LPA: variants seen among roughly 807,000 people sequenced by gnomAD.
LPA encodes lipoprotein(a), also known as apolipoprotein(a).
In LPA, 199 loss-of-function variants were observed where a neutral mutation model predicts 197.9. That is an observed-to-expected ratio of 1.01 (90% CI 0.90 to 1.13). The LOEUF (loss-of-function observed/expected upper bound fraction) is 1.13, where lower values mean the gene tolerates loss of function less well. Ranked by LOEUF, LPA falls within the 50% of genes most tolerant of loss-of-function variation. LPA has a pLI of 0.00. For synonymous variants in LPA, 715 were observed against 639.5 expected, an observed-to-expected ratio of 1.12 and a Z score of -1.78; for missense variants, 1,853 against 1,785.8, an observed-to-expected ratio of 1.04 and a Z score of -0.68.
chr6:160,631,734 G>T (rs1779688096), intron 8 of LPA, among the ~76,000 whole-genome samples: 1 of 150,382 alleles, frequency 6.6e-6, no homozygotes, highest in South Asian at 2.1e-4. Flanking sequence ...TGAGTTTCAC[G>T]ATTCTGTGAT....
chr6:160,539,793 A>G (rs1777951259), intron 36 of LPA, among the ~76,000 whole-genome samples: 1 of 152,092 alleles, frequency 6.6e-6, no homozygotes, highest in Admixed American at 6.5e-5. Context: ...GTGAACATTA[A>G]GTAAGTTTTA....
At position 160,577,158 on chromosome 6, in the gene LPA, T is replaced by C. The variant is rs754417184; in HGVS notation, c.4609A>G (p.Thr1537Ala). The C allele has an allele frequency of 3.1e-6, 5 of 1,613,674 alleles. No individual in the cohort carries two copies. Among genetic ancestry groups the C allele is most frequent in the Non-Finnish European group, 4.2e-6 (5 of 1,179,810 alleles). The part of the protein sequence containing the change: ...SSMIPHWHQR[T>A]PENYPNAGLT... ...TACGCATTTGGGTAGTTTTCTGGGG[T>C]CCTCTGATGCCAGTGTGGTATCATA... The change falls in exon 28 of 39, where the codon ACC becomes GCC. Residue 1537 changes from threonine to alanine, a missense_variant. Thr to Ala is a moderately conservative substitution (Grantham distance 58). Coordinates refer to ENST00000316300, the MANE Select transcript of LPA (RefSeq NM_005577.4).
chr6:160,562,458 G>T (rs1778378917), intron 28 of LPA, among the ~76,000 whole-genome samples: 1 of 152,190 alleles, frequency 6.6e-6, no homozygotes, highest in African/African-American at 2.4e-5. Flanking sequence ...TGTGCTGCTG[G>T]ATTCAGTTTG....
In LPA at chr6:160,553,965, G is replaced by A. The variant is rs576991090; in HGVS notation, c.4973+2060C>T. On this transcript the variant is annotated intron_variant, in intron 30 of 38. Coordinates refer to ENST00000316300, the MANE Select transcript of LPA (RefSeq NM_005577.4). ...TGTGTGTGTGTGTGTGCGCGCGCGC[G>A]CGTGTGCGTGTGTGTGTGTCTTACA... Among the ~76,000 whole-genome samples the A allele has an allele frequency of 9.7e-3, 1,464 of 150,166 alleles. 21 individuals carry two copies. The highest frequency in any genetic ancestry group is 0.034 in the African/African-American group (1,380 of 40,820).
At chr6:160,584,573 C>T (rs1386218995) in intron 26 of LPA, among the ~76,000 whole-genome samples, 2 of 152,070 alleles carry the variant, frequency 1.3e-5, no homozygotes, top group Non-Finnish European at 2.9e-5. Flanking sequence ...CTCTGGTGAT[C>T]TGCCCGTCTT....
intron 30 of LPA, among the ~76,000 whole-genome samples, chr6:160,555,454 T>C (rs1049034867): frequency 7.0e-6 from 1 of 143,182 alleles, no homozygotes; most frequent in Non-Finnish European, 1.5e-5. Context: ...TATATATATA[T>C]ATGTGTGTGT....
intron 16 of LPA, among the ~76,000 whole-genome samples, chr6:160,610,776 G>A (rs889398974): frequency 2.0e-5 from 3 of 152,102 alleles, no homozygotes; most frequent in Admixed American, 2.0e-4. Context: ...GCTATTCAGT[G>A]CAGGAAGGGT....
chr6:160,591,146 T>C (rs777220375), intron 22 of LPA, 45 bp from the exon 23 acceptor site: 236 of 1,609,146 alleles, frequency 1.5e-4, no homozygotes, highest in Non-Finnish European at 1.9e-4. Context: ...TGGGAGAAGA[T>C]ACAAGGGCAC....
At chr6:160,654,026 TA>T (rs1562354823) in intron 1 of LPA, among the ~76,000 whole-genome samples, 298 of 8,350 alleles carry the variant, frequency 0.036, 8 homozygotes, top group Middle Eastern at 0.17. Context: ...ATATAATATA[TA>T]ATATATATTA....
chr6:160,641,001 T>A (rs543806248), intron 4 of LPA, among the ~76,000 whole-genome samples, 153 bp from the exon 5 acceptor site: 1 of 135,488 alleles, frequency 7.4e-6, no homozygotes, highest in East Asian at 2.0e-4. Context: ...CAAAAATGGC[T>A]CTCGATCACT....
intron 16 of LPA, among the ~76,000 whole-genome samples, chr6:160,609,118 C>A (rs1244792808): frequency 6.6e-6 from 1 of 151,964 alleles, no homozygotes. Context: ...TTATCTTAGT[C>A]ATATGTCAAA....
chr6:160,634,977 G>A (rs1216517894), intron 7 of LPA, 146 bp downstream of exon 7: 1 of 1,498,768 alleles, frequency 6.7e-7, no homozygotes, highest in African/African-American at 1.5e-5. Flanking sequence ...CCCCCAGAGA[G>A]TACACGGAGG....
At position 160,634,848 on chromosome 6, in the gene LPA, G is replaced by T. The variant is rs1451957325; in HGVS notation, c.1075+275C>A. On this transcript the variant is annotated intron_variant, in intron 7 of 38. Coordinates refer to ENST00000316300, the MANE Select transcript of LPA (RefSeq NM_005577.4). The stretch of plus-strand genomic sequence containing the variant: ...ACGTTACAATAAAAATTTTGGCTAA[G>T]ACACTGAGATAGCCCATTTTAGAAG... Among the ~76,000 whole-genome samples, 2 of 150,066 alleles carry T rather than the reference G, an allele frequency of 1.3e-5. 1 individual carries two copies. Among genetic ancestry groups the T allele is most frequent in the African/African-American group, 5.1e-5 (2 of 39,560 alleles).
At chr6:160,635,518 A>T (rs1372577292) in intron 6 of LPA, among the ~76,000 whole-genome samples, 1 of 116,654 alleles carries the variant, frequency 8.6e-6, no homozygotes. Context: ...TATTTTTTTT[A>T]AATAAAAAAT....
At chr6:160,613,336 A>G (rs1381054285) in intron 14 of LPA, among the ~76,000 whole-genome samples, 1 of 93,758 alleles carries the variant, frequency 1.1e-5, no homozygotes, top group African/African-American at 4.5e-5. Context: ...TAAATAAAAA[A>G]TCTAAAGTAG....
At chr6:160,535,815 C>T (rs1306618538) in intron 37 of LPA, among the ~76,000 whole-genome samples, 3 of 152,038 alleles carry the variant, frequency 2.0e-5, no homozygotes, top group Non-Finnish European at 4.4e-5. Flanking sequence ...TAAATAACTG[C>T]CCAATGTCAC....
At position 160,578,538 on chromosome 6, in the gene LPA, C is replaced by T. The variant is rs781183372; in HGVS notation, c.4456G>A (p.Ala1486Thr). 5.6e-5 allele frequency: 90 copies of T among 1,613,742 alleles called. No homozygotes were observed. The highest frequency in any genetic ancestry group is 7.3e-5 in the Non-Finnish European group (86 of 1,179,768). ...AATTTCTTACCTTGTTCAGAAGGAG[C>T]CTCTGTGCTTGGAACCGGGGCCACT... ...PTVAPVPSTE[A>T]PSEQAPPEKS... Residue 1486 changes from alanine to threonine, a missense_variant, in exon 27 of 39, where the codon GCT becomes ACT. Transcript: ENST00000316300.
chr6:160,611,502 T>C lies in LPA; in HGVS notation c.2603+60A>G, dbSNP rs1022486959. On this transcript the variant is annotated intron_variant, in intron 16 of 38. Coordinates refer to ENST00000316300, the MANE Select transcript of LPA (RefSeq NM_005577.4). ...CGGAGAACTCAGCTTGAAGCATGTC[T>C]CTTGTCACAGAAACTTCAGTTGGCC... The C allele has an allele frequency of 8.8e-6, 14 of 1,598,282 alleles. No homozygotes were observed. The Admixed American group carries it at 2.2e-4, about 25-fold the overall frequency.
chr6:160,542,540 T>A lies in LPA; in HGVS notation c.5519+148A>T. The A allele has an allele frequency of 4.0e-6, 5 of 1,245,974 alleles. No individual in the cohort carries two copies. The South Asian group carries it at 6.5e-5, about 16-fold the overall frequency. 77.2% of individuals were successfully genotyped at this position (1,245,974 alleles called of 1,614,324 possible). ...TAGAGAACCTATAATAATATAACTT[T>A]TTTTAATTTTTCTATATTTTTTCCT... is the stretch of plus-strand genomic sequence containing the variant. On this transcript the variant is annotated intron_variant, in intron 34 of 38. Transcript: ENST00000316300.
Sources: allele counts gnomAD v4.1 joint callset (sites outside exome capture counted in the v4.1 genomes callset), GRCh38; gene constraint gnomAD v4.1.1; transcripts MANE v1.5; gene names NCBI Gene and HGNC (gene_info 2026-07-23, HGNC 2026-07-21).